Variants in CAPN14 observed in about 807,000 individuals in gnomAD.
CAPN14 encodes calpain 14, also known as calpain-14.
CAPN14 carries 94 observed loss-of-function variants against 101.3 expected under a neutral mutation model. The ratio of observed to expected loss-of-function variants is 0.93; its 90% CI spans 0.79 to 1.10. The LOEUF (loss-of-function observed/expected upper bound fraction) is 1.10, where lower values mean the gene tolerates loss of function less well. CAPN14 is among the 50% of genes least tolerant of loss of function. CAPN14 has a pLI of 0.00. For synonymous variants in CAPN14, 338 were observed against 317.9 expected (o/e 1.06, Z -0.67); for missense variants, 837 against 828.4 (o/e 1.01, Z -0.13).
intron 2 of CAPN14, among the ~76,000 whole-genome samples, chr2:31,224,388 A>G (rs2148707837): frequency 6.6e-6 from 1 of 152,334 alleles, no homozygotes; most frequent in East Asian, 1.9e-4. Context: ...TTTTTTATCC[A>G]GCCAAAAGGA....
chr2:31,175,073 G>A (rs1017987283), intron 21 of CAPN14, among the ~76,000 whole-genome samples: 2 of 152,166 alleles, frequency 1.3e-5, no homozygotes, highest in Non-Finnish European at 2.9e-5. Flanking sequence ...CCCTTGGTCT[G>A]ACAGCTTTAT....
intron 9 of CAPN14, 135 bp downstream of exon 9, chr2:31,194,274 A>G (rs747474613): frequency 5.8e-5 from 38 of 658,356 alleles, no homozygotes; most frequent in Non-Finnish European, 9.2e-5. Context: ...CTAGACCGTG[A>G]GCTCCTAAAG....
intron 5 of CAPN14, among the ~76,000 whole-genome samples, chr2:31,201,477 T>C (rs966978683): frequency 6.6e-6 from 1 of 152,072 alleles, no homozygotes; most frequent in Admixed American, 6.6e-5. Context: ...TCAGCTACGT[T>C]GAGAGGGTTT....
chr2:31,203,180 A>T, intron 2 of CAPN14, 41 bp from the exon 3 acceptor site: 1 of 1,520,902 alleles, frequency 6.6e-7, no homozygotes, highest in Non-Finnish European at 8.9e-7. Context: ...ACCTAGAACA[A>T]AAAAGCTCCT....
At chr2:31,211,677 A>ACACACG (rs1434403302) in intron 1 of CAPN14, among the ~76,000 whole-genome samples, 1 of 150,954 alleles carries the variant, frequency 6.6e-6, no homozygotes, top group Admixed American at 6.6e-5. Context: ...ATGTGCACAC[A>ACACACG]CACACACACA....
chr2:31,180,821 T>G (rs1680554810), intron 17 of CAPN14, 115 bp downstream of exon 17: 3 of 869,282 alleles, frequency 3.5e-6, no homozygotes, highest in Non-Finnish European at 5.5e-6. Context: ...CAGTGGCTTG[T>G]CCAGGATCCC....
At chr2:31,178,392 A>G in intron 18 of CAPN14, 119 bp downstream of exon 18, 1 of 748,728 alleles carries the variant, frequency 1.3e-6, no homozygotes, top group Non-Finnish European at 2.3e-6. Context: ...GGGAGAATAG[A>G]GAAGGTTTGG....
At chr2:31,229,679 C>CAAA (rs3031884) in intron 1 of CAPN14, among the ~76,000 whole-genome samples, 1 of 99,050 alleles carries the variant, frequency 1.0e-5, no homozygotes, top group Admixed American at 1.1e-4. Flanking sequence ...ACCCTATGTC[C>CAAA]AAAAAAAAAA....
intron 21 of CAPN14, 57 bp downstream of exon 21, chr2:31,176,530 C>T (rs1303156791): frequency 6.3e-6 from 9 of 1,417,890 alleles, no homozygotes; most frequent in East Asian, 2.5e-5. Context: ...AGCATGGTCC[C>T]GCAAGGGCCA....
chr2:31,194,516 G>T, intron 8 of CAPN14, 33 bp from the exon 9 acceptor site: 1 of 1,455,986 alleles, frequency 6.9e-7, no homozygotes, highest in South Asian at 1.2e-5. Context: ...AAAGCTTGTG[G>T]GGAGCATGCT....
At chr2:31,207,235 T>C (rs1459413818) in intron 1 of CAPN14, among the ~76,000 whole-genome samples, 4 of 152,164 alleles carry the variant, frequency 2.6e-5, no homozygotes, top group Admixed American at 1.3e-4. Context: ...CCCCAAAGTC[T>C]AACTTGAGTC....
intron 11 of CAPN14, among the ~76,000 whole-genome samples, chr2:31,191,640 G>A (rs1003565738): frequency 6.6e-6 from 1 of 152,190 alleles, no homozygotes; most frequent in African/African-American, 2.4e-5. Flanking sequence ...CTTTTGGGGA[G>A]AGGAAAAGGA....
At chr2:31,190,513 A>G (rs905354952) in intron 12 of CAPN14, among the ~76,000 whole-genome samples, 10 of 152,208 alleles carry the variant, frequency 6.6e-5, no homozygotes, top group African/African-American at 2.2e-4. Flanking sequence ...TTTTCCTGGT[A>G]GAAGCAACTG....
chr2:31,174,924 G>C (rs541618564), intron 21 of CAPN14, among the ~76,000 whole-genome samples: 1 of 152,348 alleles, frequency 6.6e-6, no homozygotes, highest in African/African-American at 2.4e-5. Context: ...AATACAGGCT[G>C]ATTCTGTATT....
At chr2:31,213,736 C>A (rs568357564) in intron 1 of CAPN14, among the ~76,000 whole-genome samples, 21 of 152,316 alleles carry the variant, frequency 1.4e-4, no homozygotes, top group African/African-American at 5.1e-4. Flanking sequence ...ATGTGGCCTG[C>A]AGTTTCTCTC....
chr2:31,230,845 T>C lies in CAPN14; in HGVS notation c.-177+2946A>G, dbSNP rs955927007. 1.5e-4 allele frequency among the ~76,000 whole-genome samples: 23 copies of C among 152,234 alleles called. No homozygotes were observed. Among genetic ancestry groups the C allele is most frequent in the African/African-American group, 5.3e-4 (22 of 41,452 alleles). ...TTTGCTAGTGCTAAACTTAGTTTTT[T>C]TCATTTTTCAGTTTGTGCTTCTGAC... On this transcript the variant is annotated intron_variant and NMD_transcript_variant, in intron 1 of 21. Transcript: ENST00000398824. This position sits in a 1 kb window ranked among gnomAD's most constrained non-coding sequence, Gnocchi z 4.3.
intron 15 of CAPN14, among the ~76,000 whole-genome samples, 153 bp from the exon 16 acceptor site, chr2:31,186,638 G>A (rs1382693246): frequency 1.3e-5 from 2 of 152,194 alleles, no homozygotes; most frequent in African/African-American, 4.8e-5. Context: ...GAGAACCCTG[G>A]CAGGGCATGA....
intron 2 of CAPN14, among the ~76,000 whole-genome samples, chr2:31,203,524 T>C (rs896301843): frequency 2.0e-5 from 3 of 152,186 alleles, no homozygotes; most frequent in Non-Finnish European, 4.4e-5. Flanking sequence ...ACCCCTAATA[T>C]GATGTTCTTT....
Position 31,193,166 on chromosome 2 carries a change from C to T in CAPN14, c.1079G>A (p.Arg360Gln), listed in dbSNP as rs749464890. ...YTMREGRWEK[R>Q]STAGGQRQLL... ...CTGCCTCTGGCCACCAGCTGTGCTC[C>T]GCTTCTCCCATCTCCCCTCCCGCAT... Residue 360 changes from arginine to glutamine, a missense_variant, in exon 10 of 22, where the codon CGG becomes CAG. Transcript: ENST00000403897. The T allele has an allele frequency of 3.0e-5, 47 of 1,551,168 alleles. No individual in the cohort carries two copies. Among genetic ancestry groups the T allele is most frequent in the Non-Finnish European group, 3.7e-5 (42 of 1,146,972 alleles).
Sources: gnomAD v4.1 joint callset for allele counts (sites outside exome capture counted in the v4.1 genomes callset) on GRCh38, gnomAD v4.1.1 for gene constraint, Gnocchi (gnomAD v3.1) non-coding constraint, MANE v1.5 for transcripts, NCBI Gene and HGNC (gene_info 2026-07-23, HGNC 2026-07-21) for gene names.